DDX6: variants seen among roughly 807,000 people sequenced by gnomAD.
DDX6 encodes the protein DEAD-box helicase 6, also known as probable ATP-dependent RNA helicase DDX6.
Under a neutral mutation model 60.6 loss-of-function variants are expected in DDX6, and 7 were observed. The observed-to-expected ratio is 0.12, with a 90% CI of 0.07 to 0.22. DDX6 has a LOEUF of 0.22. Ranked by LOEUF, DDX6 falls within the 10% of genes least tolerant of loss-of-function variation. The probability of loss-of-function intolerance (pLI) is 1.00; values close to 1 mark genes in which losing one functional copy is unlikely to be tolerated. For missense variants in DDX6, 270 were observed against 589.9 expected (o/e 0.46, Z 5.62); for synonymous variants, 207 against 201.0 (o/e 1.03, Z -0.25).
At chr11:118,778,750 C>T (rs1443284295) in intron 4 of DDX6, among the ~76,000 whole-genome samples, 1 of 152,116 alleles carries the variant, frequency 6.6e-6, no homozygotes, top group African/African-American at 2.4e-5. Flanking sequence ...AATAAATGGA[C>T]ACTAGGCACA....
At chr11:118,786,026 T>C in intron 2 of DDX6, 26 bp downstream of exon 2, 4 of 1,596,546 alleles carry the variant, frequency 2.5e-6, no homozygotes, top group Non-Finnish European at 2.6e-6. Context: ...CACAAGTGTT[T>C]ATTAATAATT....
Position 118,754,906 on chromosome 11 carries a change from A to C in DDX6, c.1277-19T>G, listed in dbSNP as rs782285756. The C allele has an allele frequency of 6.3e-7, 1 of 1,580,030 alleles. No individual in the cohort carries two copies. Among genetic ancestry groups the C allele is most frequent in the East Asian group, 2.3e-5 (1 of 44,386 alleles). ...AAGCGACCTAAAAAACATGCGTTTA[A>C]AAATTTTAATGAATAAAATATGAAA... On this transcript the variant is annotated intron_variant, in intron 12 of 13. Coordinates refer to ENST00000534980, the MANE Select transcript of DDX6 (RefSeq NM_004397.6).
intron 2 of DDX6, among the ~76,000 whole-genome samples, chr11:118,785,013 C>T (rs1862028402): frequency 6.6e-6 from 1 of 152,182 alleles, no homozygotes; most frequent in African/African-American, 2.4e-5. Flanking sequence ...GGTGATCCGC[C>T]CACCTTGGCC....
chr11:118,783,465 C>T (rs896231068), intron 2 of DDX6, among the ~76,000 whole-genome samples: 5 of 152,084 alleles, frequency 3.3e-5, no homozygotes, highest in South Asian at 2.1e-4. Context: ...ATGGGATGAA[C>T]GGCATGAGCC....
rs782707677 is a variant in DDX6 at position 118,751,411 on chromosome 11, A to G, written c.*694T>C. 5.3e-5 allele frequency: 8 copies of G among 152,086 alleles called. No individual in the cohort carries two copies. The highest frequency in any genetic ancestry group is 1.7e-4 in the African/African-American group (7 of 41,464). The allele number at this position is 152,086 out of a possible 1,614,324, so 9.4% of individuals were successfully genotyped here. A position where few individuals can be genotyped will look rare whatever the true frequency, so the allele number is the denominator to read the frequency against. On this transcript the variant is annotated 3_prime_UTR_variant, in exon 14 of 14. Transcript: ENST00000534980. ...TACAGTGCGGATGAACTGCAGTTGC[A>G]TATCAACTCCTCCCCAAAAAGAAAA...
chr11:118,764,731 G>A (rs1276868006), intron 6 of DDX6, among the ~76,000 whole-genome samples: 1 of 151,554 alleles, frequency 6.6e-6, no homozygotes, highest in African/African-American at 2.4e-5. Flanking sequence ...CTGAACCTGG[G>A]AGGCGGAGAT....
rs1419779127 is a variant in DDX6 at position 118,748,824 on chromosome 11, G to A, written c.*3281C>T. 1 of 144,422 alleles carries A rather than the reference G, an allele frequency of 6.9e-6. No homozygotes were observed. Among genetic ancestry groups the A allele is most frequent in the Non-Finnish European group, 1.5e-5 (1 of 67,266 alleles). The allele number at this position is 144,422 out of a possible 1,614,324, so 8.9% of individuals were successfully genotyped here. On this transcript the variant is annotated 3_prime_UTR_variant, in exon 14 of 14. Transcript: ENST00000534980. Reference sequence around the variant, plus strand: ...TCCAACAATTTATACTCAAGGCTTTGTGCTGAGTTGTCGTTTGAACCAAGC... The same window carrying A: ...TCCAACAATTTATACTCAAGGCTTTATGCTGAGTTGTCGTTTGAACCAAGC...
At chr11:118,779,764 GAATA>G (rs1565576618) in intron 3 of DDX6, 28 bp from the exon 4 acceptor site, 1 of 1,492,060 alleles carries the variant, frequency 6.7e-7, no homozygotes, top group Admixed American at 2.0e-5. Context: ...AACAATAAAA[GAATA>G]AATAACACTG....
chr11:118,786,021 G>C (rs766031469), intron 2 of DDX6, 31 bp downstream of exon 2: 1 of 1,590,288 alleles, frequency 6.3e-7, no homozygotes, highest in Non-Finnish European at 8.6e-7. Flanking sequence ...TTCCCCACAA[G>C]TGTTTATTAA....
At position 118,763,250 on chromosome 11, in the gene DDX6, C is replaced by T. The variant is rs1226037245; in HGVS notation, c.703G>A (p.Ala235Thr). The change falls in exon 7 of 14, where the codon GCA (alanine) becomes ACA (threonine). Residue 235 changes from alanine to threonine, a missense_variant. Physicochemically the swap from Ala to Thr is moderately conservative, Grantham distance 58. This residue lies in a region of DDX6 where 15 missense variants were observed against 16.4 expected (regional missense o/e 0.92). Coordinates refer to ENST00000534980, the MANE Select transcript of DDX6 (RefSeq NM_004397.6). ...ATCATCTGGACATGATCAACCTTTG[C>T]TACTCCTTTCTTAATAAGATCCAGG... ...RILDLIKKGVAKVDHVQMIVL... is the reference protein window; with the variant it reads ...RILDLIKKGVTKVDHVQMIVL... 1 of 1,612,052 alleles carries T rather than the reference C, an allele frequency of 6.2e-7. No homozygotes were observed. Among genetic ancestry groups the T allele is most frequent in the Non-Finnish European group, 8.5e-7 (1 of 1,179,212 alleles).
Position 118,786,387 on chromosome 11 carries a change from C to A in DDX6, c.-136G>T, listed in dbSNP as rs891306279. ...TGCTCAATAAATGAGTCCTTTATTG[C>A]AATGCAGGCAAGCACCTGTAAGTCT... On this transcript the variant is annotated 5_prime_UTR_variant, in exon 2 of 14. Transcript: ENST00000534980. The A allele has an allele frequency of 7.8e-6, 5 of 639,874 alleles. No homozygotes were observed. In the African/African-American group the frequency reaches 9.2e-5, roughly 12 times the overall value. 39.6% of individuals were successfully genotyped at this position (639,874 alleles called of 1,614,324 possible).
intron 2 of DDX6, among the ~76,000 whole-genome samples, chr11:118,784,420 T>A (rs1862006554): frequency 1.3e-5 from 2 of 151,978 alleles, no homozygotes; most frequent in Non-Finnish European, 2.9e-5. Context: ...AGTGTCAACA[T>A]CTTATAAAGA....
At position 118,770,385 on chromosome 11, in the gene DDX6, T is replaced by C. The variant is rs117292939; in HGVS notation, c.370-2033A>G. On this transcript the variant is annotated intron_variant, in intron 4 of 13. Transcript: ENST00000534980. ...GAACCAAATTCACAGTCACTGACATTTGTCCCTTCTATGCCTGGGCTAACG... is the reference window on the plus strand; with the variant it reads ...GAACCAAATTCACAGTCACTGACATCTGTCCCTTCTATGCCTGGGCTAACG... Among the ~76,000 whole-genome samples, 68 of 152,274 alleles carry C rather than the reference T, an allele frequency of 4.5e-4. 1 individual carries two copies. In the East Asian group the frequency reaches 0.013, roughly 28 times the overall value.
At position 118,751,810 on chromosome 11, in the gene DDX6, CTTCT is replaced by C. The variant is rs1288059792; in HGVS notation, c.*291_*294del. ...CTCTTTTTAGGGTTTCTCCCCTTCT[CTTCT>C]TTCTTTTCCTTCCTTGTCCCCTTTC... On this transcript the variant is annotated 3_prime_UTR_variant, in exon 14 of 14. Transcript: ENST00000534980. The C allele has an allele frequency of 1.3e-5, 5 of 394,124 alleles. No individual in the cohort carries two copies. The highest frequency in any genetic ancestry group is 2.5e-5 in the Non-Finnish European group (5 of 203,850). 24.4% of individuals were successfully genotyped at this position (394,124 alleles called of 1,614,324 possible). A position where few individuals can be genotyped will look rare whatever the true frequency, so the allele number is the denominator to read the frequency against.
chr11:118,755,275 C>A (rs1860927589), intron 12 of DDX6, 127 bp downstream of exon 12: 3 of 618,972 alleles, frequency 4.8e-6, no homozygotes, highest in Non-Finnish European at 8.6e-6. Flanking sequence ...AAATACCAAA[C>A]AACTGAATTA....
At position 118,786,336 on chromosome 11, in the gene DDX6, CAA is replaced by C; in HGVS notation, c.-87_-86del. ...TGTAATAACAGTTTATTAGGCTCTC[CAA>C]AATGAAGAGATAAATATAAGTCTTG... On this transcript the variant is annotated 5_prime_UTR_variant, in exon 2 of 14. Coordinates refer to ENST00000534980, the MANE Select transcript of DDX6 (RefSeq NM_004397.6). 8.6e-7 allele frequency: 1 copy of C among 1,160,954 alleles called. No individual in the cohort carries two copies. Among genetic ancestry groups the C allele is most frequent in the Non-Finnish European group, 1.2e-6 (1 of 824,642 alleles). The allele number at this position is 1,160,954 out of a possible 1,614,324, so 71.9% of individuals were successfully genotyped here. A position where few individuals can be genotyped will look rare whatever the true frequency, so the allele number is the denominator to read the frequency against.
At chr11:118,789,682 G>C (rs947673381) in intron 1 of DDX6, 2 of 152,158 alleles carry the variant, frequency 1.3e-5, no homozygotes, top group African/African-American at 4.8e-5. Context: ...AGTTCACAGA[G>C]ACTTAGCTGT....
chr11:118,767,195 T>G (rs1861383199), intron 5 of DDX6, among the ~76,000 whole-genome samples: 1 of 152,220 alleles, frequency 6.6e-6, no homozygotes, highest in African/African-American at 2.4e-5. Flanking sequence ...GCCAATACTG[T>G]TCTTAATTAC....
In DDX6 at chr11:118,749,818, A is replaced by G. The variant is rs1860692449; in HGVS notation, c.*2287T>C. The G allele has an allele frequency of 6.6e-6, 1 of 152,636 alleles. No homozygotes were observed. Among genetic ancestry groups the G allele is most frequent in the Non-Finnish European group, 1.5e-5 (1 of 68,032 alleles). 9.5% of individuals were successfully genotyped at this position (152,636 alleles called of 1,614,324 possible). A position where few individuals can be genotyped will look rare whatever the true frequency, so the allele number is the denominator to read the frequency against. The stretch of plus-strand genomic sequence containing the variant: ...TTCCCTCTCCCACCCCTCCCTGGAA[A>G]AAAGTTACTTCCTTAATTAGGTTTT... On this transcript the variant is annotated 3_prime_UTR_variant, in exon 14 of 14. Coordinates refer to ENST00000534980, the MANE Select transcript of DDX6 (RefSeq NM_004397.6).
Sources: gnomAD v4.1 joint callset for allele counts (sites outside exome capture counted in the v4.1 genomes callset) on GRCh38, gnomAD v4.1.1 for gene constraint, gnomAD v4.1.1 regional missense constraint, MANE v1.5 for transcripts, NCBI Gene and HGNC (gene_info 2026-07-23, HGNC 2026-07-21) for gene names.